The following PREX2 variants were observed in gnomAD, a reference collection of about 807,000 sequenced individuals.
The protein encoded by PREX2 is phosphatidylinositol-3,4,5-trisphosphate dependent Rac exchange factor 2, also known as phosphatidylinositol 3,4,5-trisphosphate-dependent Rac exchanger 2 protein.
In PREX2, 107 loss-of-function variants were observed where a neutral mutation model predicts 203.2. That is an observed-to-expected ratio of 0.53 (90% CI 0.45 to 0.62). The LOEUF is 0.62. PREX2 is among the 20% of genes least tolerant of loss of function. PREX2 has a pLI of 0.00. For missense variants in PREX2, 1,777 were observed against 1,955.9 expected, an observed-to-expected ratio of 0.91 and a Z score of 1.72; for synonymous variants, 672 against 663.6, an observed-to-expected ratio of 1.01 and a Z score of -0.19.
chr8:68,149,283 C>G (rs1811386453), intron 34 of PREX2, among the ~76,000 whole-genome samples: 1 of 152,232 alleles, frequency 6.6e-6, no homozygotes, highest in Non-Finnish European at 1.5e-5. Flanking sequence ...GCTATTAGAT[C>G]AGGAATTTCA....
intron 29 of PREX2, 56 bp from the exon 30 acceptor site, chr8:68,120,865 G>A (rs779107961): frequency 9.2e-6 from 14 of 1,522,654 alleles, no homozygotes; most frequent in East Asian, 6.8e-5. Context: ...AAGCCTAAAG[G>A]CTTCATTGTT....
intron 35 of PREX2, among the ~76,000 whole-genome samples, chr8:68,163,677 C>G (rs963844877): frequency 2.6e-5 from 4 of 152,074 alleles, no homozygotes; most frequent in Non-Finnish European, 5.9e-5. Flanking sequence ...ATCAAGCATT[C>G]TAATTTTGCA....
At chr8:67,968,483 C>T (rs751813620) in intron 1 of PREX2, among the ~76,000 whole-genome samples, 28 of 152,272 alleles carry the variant, frequency 1.8e-4, no homozygotes, top group Middle Eastern at 3.4e-3. Context: ...TTACCAACTT[C>T]AGAATAGGAA....
intron 7 of PREX2, among the ~76,000 whole-genome samples, chr8:68,042,714 A>C (rs1041692499): frequency 3.9e-5 from 6 of 152,086 alleles, no homozygotes; most frequent in African/African-American, 1.4e-4. Context: ...AATTATTTTC[A>C]AACTATAGGC....
At chr8:67,973,170 A>G (rs1303314184) in intron 1 of PREX2, among the ~76,000 whole-genome samples, 1 of 152,190 alleles carries the variant, frequency 6.6e-6, no homozygotes, top group African/African-American at 2.4e-5. Flanking sequence ...TAGGGGTGAT[A>G]CGGCAATAAA....
chr8:68,186,321 G>A (rs936935381), intron 35 of PREX2, among the ~76,000 whole-genome samples: 1 of 152,040 alleles, frequency 6.6e-6, no homozygotes, highest in South Asian at 2.1e-4. Flanking sequence ...ATATTTTATT[G>A]CTTTCCATTA....
chr8:67,986,664 T>G (rs1360021619), intron 1 of PREX2, among the ~76,000 whole-genome samples: 2 of 152,184 alleles, frequency 1.3e-5, no homozygotes, highest in Non-Finnish European at 2.9e-5. Flanking sequence ...GATTATGAGT[T>G]GCTGGCACCC....
chr8:68,022,165 G>A, intron 4 of PREX2, 25 bp downstream of exon 4: 1 of 1,126,220 alleles, frequency 8.9e-7, no homozygotes, highest in Non-Finnish European at 1.4e-6. Flanking sequence ...ATGTGTTACT[G>A]TATGTTGATA....
chr8:67,952,285 T>A lies in PREX2; in HGVS notation c.-110T>A, dbSNP rs567045300. 37 of 901,366 alleles carry A rather than the reference T, an allele frequency of 4.1e-5. No individual in the cohort carries two copies. In the African/African-American group the frequency reaches 6.2e-4, roughly 15 times the overall value. The allele number at this position is 901,366 out of a possible 1,614,324, so 55.8% of individuals were successfully genotyped here. On this transcript the variant is annotated 5_prime_UTR_variant, in exon 1 of 40. Transcript: ENST00000288368. Reference sequence around the variant, plus strand: ...AAAGTCTTCTGTCTCTCCTCGGAGTTGGCGGAGGCGGCAACTTTCCATTCT... The same window carrying A: ...AAAGTCTTCTGTCTCTCCTCGGAGTAGGCGGAGGCGGCAACTTTCCATTCT...
Position 68,091,314 on chromosome 8 carries a change from C to CA in PREX2, c.2250+605dup, listed in dbSNP as rs141499351. ...ACTATCCTTTGATCTACAAGTGCCA[C>CA]AAAAAACTAAAATTAGAATCATAAT... On this transcript the variant is annotated intron_variant, in intron 20 of 39. Transcript: ENST00000288368. 8.5e-3 allele frequency among the ~76,000 whole-genome samples: 1,287 copies of CA among 152,116 alleles called. 26 individuals carry two copies. Among genetic ancestry groups the CA allele is most frequent in the African/African-American group, 0.029 (1,220 of 41,472 alleles).
chr8:68,173,411 G>A lies in PREX2; in HGVS notation c.4346+15975G>A, dbSNP rs147338525. 4.1e-4 allele frequency among the ~76,000 whole-genome samples: 63 copies of A among 152,134 alleles called. 1 individual carries two copies. Among genetic ancestry groups the A allele is most frequent in the African/African-American group, 1.3e-3 (56 of 41,522 alleles). The stretch of plus-strand genomic sequence containing the variant: ...TGACACTTTGAAAACAATATATATC[G>A]TCTTAATTTGAAAAATAGTATAATT... On this transcript the variant is annotated intron_variant, in intron 35 of 39. Transcript: ENST00000288368.
intron 35 of PREX2, among the ~76,000 whole-genome samples, chr8:68,165,384 T>C (rs1811741389): frequency 6.6e-6 from 1 of 152,184 alleles, no homozygotes; most frequent in Non-Finnish European, 1.5e-5. Flanking sequence ...ATCTTGTTCA[T>C]TGGGTGGTGT....
At chr8:68,203,624 G>A (rs1401395617) in intron 37 of PREX2, among the ~76,000 whole-genome samples, 1 of 152,150 alleles carries the variant, frequency 6.6e-6, no homozygotes, top group Non-Finnish European at 1.5e-5. Flanking sequence ...GGAAATGTGA[G>A]AAAAGAATAA....
At chr8:68,152,289 G>GAAAAAA (rs573525316) in intron 34 of PREX2, among the ~76,000 whole-genome samples, 3,956 of 72,742 alleles carry the variant, frequency 0.054, 517 homozygotes, top group African/African-American at 0.13. Flanking sequence ...CCCTCTCAGA[G>GAAAAAA]AAAAAAAAAA....
rs749377948 is a variant in PREX2, at chr8:68,115,837, G to A, written c.3231G>A (p.Lys1077=). The change falls in exon 26 of 40, where the codon AAG becomes AAA. Residue 1077 remains lysine (K), a synonymous_variant. Coordinates refer to ENST00000288368, the MANE Select transcript of PREX2 (RefSeq NM_024870.4). The stretch of plus-strand genomic sequence containing the variant: ...TACCAACAGACAGTGACAATGAGAA[G>A]GGAGAAAGAAACAGCAAACGGGTAT... ...GIIPTDSDNE[K]GERNSKRVCF... is the part of the protein sequence containing the mutation. 6.2e-7 allele frequency: 1 copy of A among 1,613,870 alleles called. No individual in the cohort carries two copies. The highest frequency in any genetic ancestry group is 1.7e-5 in the Admixed American group (1 of 60,022).
intron 32 of PREX2, among the ~76,000 whole-genome samples, chr8:68,136,974 C>G (rs1341249823): frequency 1.3e-5 from 2 of 150,336 alleles, no homozygotes; most frequent in African/African-American, 2.5e-5. Context: ...GGCGCAATCT[C>G]AGCTCACTGC....
intron 37 of PREX2, 146 bp from the exon 38 acceptor site, chr8:68,217,470 T>C (rs1018594397): frequency 1.7e-6 from 1 of 602,784 alleles, no homozygotes. Context: ...TTTAAACTGG[T>C]ATTTTATGTA....
intron 13 of PREX2, among the ~76,000 whole-genome samples, chr8:68,070,330 G>T (rs993084669): frequency 6.6e-6 from 1 of 151,686 alleles, no homozygotes; most frequent in Non-Finnish European, 1.5e-5. Context: ...CCCAAGAAAA[G>T]ATTTTGTACT....
intron 22 of PREX2, among the ~76,000 whole-genome samples, chr8:68,099,326 G>A (rs1209180533): frequency 6.6e-6 from 1 of 151,990 alleles, no homozygotes; most frequent in East Asian, 1.9e-4. Flanking sequence ...TGTTCTGAGT[G>A]ACTCTGACTA....
Sources: allele counts gnomAD v4.1 joint callset (sites outside exome capture counted in the v4.1 genomes callset), GRCh38; gene constraint gnomAD v4.1.1; transcripts MANE v1.5; gene names NCBI Gene and HGNC (gene_info 2026-07-23, HGNC 2026-07-21).